The following PRKG1 variants were observed in gnomAD, a reference collection of about 807,000 sequenced individuals.
PRKG1 encodes the protein cGMP-dependent protein kinase 1.
Under a neutral mutation model 88.1 loss-of-function variants are expected in PRKG1, and 35 were observed. That is an observed-to-expected ratio of 0.40 (90% CI 0.30 to 0.53). PRKG1 has a LOEUF of 0.53. PRKG1 is among the 20% of genes least tolerant of loss of function. The pLI, the probability that PRKG1 is intolerant of heterozygous loss-of-function variation, is 0.59. For synonymous variants in PRKG1, 303 were observed against 292.5 expected (o/e 1.04, Z -0.37); for missense variants, 540 against 839.8 (o/e 0.64, Z 4.41).
chr10:51,758,790 T>C (rs1418185385), intron 3 of PRKG1, among the ~76,000 whole-genome samples: 7 of 152,124 alleles, frequency 4.6e-5, no homozygotes, highest in Non-Finnish European at 1.0e-4. Flanking sequence ...CAACCTGTCA[T>C]CTAGGTTTTA....
At chr10:51,871,311 T>A (rs1351569426) in intron 4 of PRKG1, among the ~76,000 whole-genome samples, 1 of 152,226 alleles carries the variant, frequency 6.6e-6, no homozygotes, top group Non-Finnish European at 1.5e-5. Context: ...TGTGATTTTT[T>A]ATAACTGGAG....
chr10:51,567,414 C>T (rs1837635193), intron 3 of PRKG1, among the ~76,000 whole-genome samples: 3 of 151,956 alleles, frequency 2.0e-5, no homozygotes, highest in Non-Finnish European at 4.4e-5. Context: ...GATTTCCAGG[C>T]AGCACTTATG....
intron 3 of PRKG1, among the ~76,000 whole-genome samples, chr10:51,536,685 A>T (rs1842158936): frequency 6.6e-6 from 1 of 151,770 alleles, no homozygotes; most frequent in Non-Finnish European, 1.5e-5. Context: ...GTTTTAGGGT[A>T]CATGTGCACA....
chr10:51,476,023 C>A (rs1265936854), intron 3 of PRKG1, among the ~76,000 whole-genome samples: 1 of 151,964 alleles, frequency 6.6e-6, no homozygotes, highest in African/African-American at 2.4e-5. Context: ...TTAAGTTCAA[C>A]CTTTTGTACT....
At chr10:51,138,783 A>C (rs925917741) in intron 1 of PRKG1, among the ~76,000 whole-genome samples, 1 of 145,138 alleles carries the variant, frequency 6.9e-6, no homozygotes, top group Non-Finnish European at 1.5e-5. Context: ...CCCAGGTTCA[A>C]ACGATTCCCC....
At chr10:51,964,035 A>G (rs1308399916) in intron 5 of PRKG1, among the ~76,000 whole-genome samples, 1 of 152,180 alleles carries the variant, frequency 6.6e-6, no homozygotes, top group African/African-American at 2.4e-5. Context: ...CATGGAAAAA[A>G]TCTGTTTTTT....
At chr10:52,269,559 C>G (rs1174449315) in intron 10 of PRKG1, among the ~76,000 whole-genome samples, 2 of 152,014 alleles carry the variant, frequency 1.3e-5, no homozygotes, top group African/African-American at 4.8e-5. Context: ...TGTGCAGGAA[C>G]AAGACACTTA....
intron 5 of PRKG1, among the ~76,000 whole-genome samples, chr10:52,026,502 G>C (rs1171379747): frequency 6.6e-6 from 1 of 152,166 alleles, no homozygotes; most frequent in Non-Finnish European, 1.5e-5. Context: ...GTCCCAAAAT[G>C]AGCAATTCCC....
At chr10:51,387,490 C>A (rs1837283944) in intron 2 of PRKG1, among the ~76,000 whole-genome samples, 1 of 151,954 alleles carries the variant, frequency 6.6e-6, no homozygotes, top group Non-Finnish European at 1.5e-5. Flanking sequence ...TCCATCACAC[C>A]TCTTTTTAGA....
chr10:51,794,172 G>T (rs997220297), intron 3 of PRKG1, among the ~76,000 whole-genome samples: 10 of 152,092 alleles, frequency 6.6e-5, no homozygotes, highest in African/African-American at 1.7e-4. Flanking sequence ...AAATATATAT[G>T]CACCCAACAT....
intron 3 of PRKG1, chr10:51,698,679 C>T (rs1841375792): frequency 6.2e-7 from 1 of 1,614,080 alleles, no homozygotes; most frequent in African/African-American, 1.3e-5. Context: ...CCTGGCATTC[C>T]AAGTTGGGGC....
At chr10:51,333,559 G>A (rs1225766150) in intron 2 of PRKG1, among the ~76,000 whole-genome samples, 1 of 152,194 alleles carries the variant, frequency 6.6e-6, no homozygotes, top group Non-Finnish European at 1.5e-5. Context: ...CATGTTGACT[G>A]TGTAGAACAT....
intron 5 of PRKG1, among the ~76,000 whole-genome samples, chr10:51,951,592 T>G (rs2133053540): frequency 6.6e-6 from 1 of 152,328 alleles, no homozygotes; most frequent in South Asian, 2.1e-4. Flanking sequence ...TATGGTACTA[T>G]TCACAGAATT....
intron 3 of PRKG1, among the ~76,000 whole-genome samples, chr10:51,660,900 A>G (rs1362809512): frequency 6.6e-6 from 1 of 152,132 alleles, no homozygotes; most frequent in Non-Finnish European, 1.5e-5. Context: ...CAAATGTTTT[A>G]TTCACTTTTG....
intron 1 of PRKG1, among the ~76,000 whole-genome samples, chr10:50,995,950 C>G (rs972898238): frequency 1.3e-5 from 2 of 152,178 alleles, no homozygotes; most frequent in Non-Finnish European, 2.9e-5. Context: ...TTTTGTCTCT[C>G]TGATCCAATT....
intron 2 of PRKG1, among the ~76,000 whole-genome samples, chr10:51,291,149 CA>C (rs1840572665): frequency 6.6e-6 from 1 of 152,100 alleles, no homozygotes; most frequent in African/African-American, 2.4e-5. Flanking sequence ...AAAACTGAAG[CA>C]TTGTTATGAA....
At chr10:52,049,481 T>C (rs1316774759) in intron 5 of PRKG1, among the ~76,000 whole-genome samples, 1 of 152,196 alleles carries the variant, frequency 6.6e-6, no homozygotes, top group African/African-American at 2.4e-5. Context: ...TTTATGATTT[T>C]ACTTGTAGTA....
intron 5 of PRKG1, among the ~76,000 whole-genome samples, chr10:52,050,680 C>A (rs549780666): frequency 1.3e-5 from 2 of 152,120 alleles, no homozygotes; most frequent in Non-Finnish European, 2.9e-5. Flanking sequence ...GCTCATGCAA[C>A]ATGGACATAT....
Position 51,374,715 on chromosome 10 carries a change from A to AT in PRKG1, c.479-93006dup, listed in dbSNP as rs1461940128. 5.3e-5 allele frequency among the ~76,000 whole-genome samples: 8 copies of AT among 152,252 alleles called. No homozygotes were observed. The South Asian group carries it at 1.5e-3, about 28-fold the overall frequency. On this transcript the variant is annotated intron_variant, in intron 2 of 17. Coordinates refer to ENST00000373980, the MANE Select transcript of PRKG1 (RefSeq NM_006258.4). The stretch of plus-strand genomic sequence containing the variant: ...AACCCAATGCTGCTTTGATGTTGGA[A>AT]TTCCCACCCTCCAGAACGGTAAGAA...
Sources: allele counts gnomAD v4.1 joint callset (sites outside exome capture counted in the v4.1 genomes callset), GRCh38; gene constraint gnomAD v4.1.1; transcripts MANE v1.5; gene names NCBI Gene and HGNC (gene_info 2026-07-23, HGNC 2026-07-21).